Variants in PCDH9 observed in about 807,000 individuals in gnomAD.
PCDH9 encodes protocadherin 9.
Under a neutral mutation model 70.6 loss-of-function variants are expected in PCDH9, and 24 were observed. The ratio of observed to expected loss-of-function variants is 0.34; its 90% confidence interval spans 0.25 to 0.48. The LOEUF (loss-of-function observed/expected upper bound fraction) is 0.48. Among genes scored for constraint, PCDH9 ranks in the 20% least tolerant of loss-of-function variants. The pLI is 0.99. For synonymous variants in PCDH9, 562 were observed against 558.5 expected (o/e 1.01, Z -0.09); for missense variants, 1,281 against 1,503.6 (o/e 0.85, Z 2.45).
At chr13:67,086,057 T>G (rs1354540450) in intron 2 of PCDH9, among the ~76,000 whole-genome samples, 2 of 152,172 alleles carry the variant, frequency 1.3e-5, no homozygotes, top group Admixed American at 6.5e-5. Flanking sequence ...TGAGGCAAAT[T>G]CTATACAAGC....
At chr13:66,668,735 T>C (rs973100951) in intron 3 of PCDH9, among the ~76,000 whole-genome samples, 5 of 152,176 alleles carry the variant, frequency 3.3e-5, no homozygotes, top group Admixed American at 2.0e-4. Flanking sequence ...AATCATTCCT[T>C]CTCTGAAGAA....
rs541554918 is a variant in PCDH9, at chr13:66,609,740, A to C, written c.3340+21470T>G. Among the ~76,000 whole-genome samples the C allele has an allele frequency of 7.2e-5, 11 of 152,152 alleles. No homozygotes were observed. In the South Asian group the frequency reaches 8.3e-4, roughly 11 times the overall value. On this transcript the variant is annotated intron_variant, in intron 4 of 4. Coordinates refer to ENST00000377865, the MANE Select transcript of PCDH9 (RefSeq NM_203487.3). ...ATTAAAGGTATTTAATTTTGAGAAC[A>C]AAAAAGTAAATCAAATATCTGAACA...
chr13:66,904,896 T>G (rs1313026175), intron 2 of PCDH9, among the ~76,000 whole-genome samples: 1 of 152,126 alleles, frequency 6.6e-6, no homozygotes, highest in East Asian at 1.9e-4. Context: ...TGACTTTAAA[T>G]CCATATATCC....
Position 66,442,104 on chromosome 13 carries a change from T to C in PCDH9, c.3341-137076A>G, listed in dbSNP as rs979562692. ...CTACTTAAAGGGATGGGGAGGATTC[T>C]ACCTCTTTCTACAAGAGTTCTTGTC... On this transcript the variant is annotated intron_variant, in intron 4 of 4. Transcript: ENST00000377865. 2.0e-5 allele frequency among the ~76,000 whole-genome samples: 3 copies of C among 152,326 alleles called. No individual in the cohort carries two copies. The South Asian group carries it at 6.2e-4, about 32-fold the overall frequency.
intron 2 of PCDH9, chr13:67,212,947 C>A (rs2089498259): frequency 6.6e-6 from 1 of 152,130 alleles, no homozygotes; most frequent in Non-Finnish European, 1.5e-5. Flanking sequence ...CGCGGTGGCT[C>A]ACCCCTGTAA....
At chr13:66,906,325 A>G (rs1368779875) in intron 2 of PCDH9, among the ~76,000 whole-genome samples, 1 of 152,222 alleles carries the variant, frequency 6.6e-6, no homozygotes, top group Non-Finnish European at 1.5e-5. Flanking sequence ...TAATTTGATA[A>G]TAGTTCAAAC....
intron 3 of PCDH9, among the ~76,000 whole-genome samples, chr13:66,891,951 C>T (rs1004828879): frequency 1.1e-4 from 17 of 151,842 alleles, no homozygotes; most frequent in Non-Finnish European, 1.5e-5. Context: ...AGAAAACAGA[C>T]TCTAAAACAG....
intron 4 of PCDH9, among the ~76,000 whole-genome samples, chr13:66,476,573 G>A (rs1292325464): frequency 6.6e-6 from 1 of 151,930 alleles, no homozygotes; most frequent in Admixed American, 6.6e-5. Flanking sequence ...TCTCAATAGT[G>A]GAGATGAGTT....
chr13:66,909,897 G>A (rs1003969059), intron 2 of PCDH9, among the ~76,000 whole-genome samples: 3 of 152,086 alleles, frequency 2.0e-5, no homozygotes, highest in Non-Finnish European at 4.4e-5. Context: ...CTACCCAGTG[G>A]ATTTTGCAAA....
chr13:66,795,457 TTTAA>T (rs1431508567), intron 3 of PCDH9, among the ~76,000 whole-genome samples: 3 of 152,152 alleles, frequency 2.0e-5, no homozygotes, highest in African/African-American at 7.2e-5. Context: ...TATAAATAGC[TTTAA>T]TTAATTAATT....
At chr13:66,466,671 TA>T (rs1958518863) in intron 4 of PCDH9, among the ~76,000 whole-genome samples, 1 of 152,098 alleles carries the variant, frequency 6.6e-6, no homozygotes, top group Admixed American at 6.6e-5. Context: ...TGCTACTTTC[TA>T]AAAATATATC....
intron 2 of PCDH9, among the ~76,000 whole-genome samples, chr13:66,951,534 T>C (rs569280304): frequency 1.4e-5 from 2 of 139,246 alleles, no homozygotes; most frequent in South Asian, 4.5e-4. Flanking sequence ...CCTATTCTCA[T>C]AGGCTGAATG....
chr13:66,499,403 T>G (rs1959165490), intron 4 of PCDH9, among the ~76,000 whole-genome samples: 2 of 152,140 alleles, frequency 1.3e-5, no homozygotes, highest in Non-Finnish European at 2.9e-5. Context: ...TTTAAAAACA[T>G]GTCTAAAACA....
intron 4 of PCDH9, among the ~76,000 whole-genome samples, chr13:66,397,556 T>C (rs1345351551): frequency 6.6e-6 from 1 of 151,590 alleles, no homozygotes; most frequent in Non-Finnish European, 1.5e-5. Context: ...GATATATATG[T>C]GTATATATGT....
chr13:66,335,241 C>T (rs114401189), intron 4 of PCDH9, among the ~76,000 whole-genome samples: 1,936 of 152,202 alleles, frequency 0.013, 51 homozygotes, highest in African/African-American at 0.044. Flanking sequence ...CCTCTACTTA[C>T]GCTGAAGTAC....
At chr13:67,039,941 T>TAG (rs954662449) in intron 2 of PCDH9, among the ~76,000 whole-genome samples, 92 of 152,166 alleles carry the variant, frequency 6.0e-4, no homozygotes, top group African/African-American at 2.2e-3. Flanking sequence ...AATTGAAGTG[T>TAG]AGCTCACCTA....
intron 2 of PCDH9, among the ~76,000 whole-genome samples, chr13:66,980,255 C>T (rs141530729): frequency 0.011 from 1,626 of 152,132 alleles, 14 homozygotes; most frequent in Middle Eastern, 0.017. Context: ...CTCTATCTCC[C>T]ACACCACCCC....
At chr13:66,454,714 A>G (rs2138436570) in intron 4 of PCDH9, among the ~76,000 whole-genome samples, 1 of 152,330 alleles carries the variant, frequency 6.6e-6, no homozygotes, top group East Asian at 1.9e-4. Flanking sequence ...TAATCTTTGC[A>G]TATCATTTTC....
At chr13:66,692,604 T>C (rs1169135281) in intron 3 of PCDH9, among the ~76,000 whole-genome samples, 2 of 152,114 alleles carry the variant, frequency 1.3e-5, no homozygotes, top group Non-Finnish European at 1.5e-5. Context: ...ATCCACTTAA[T>C]TGAATTCACT....
Sources: gnomAD v4.1 joint callset for allele counts (sites outside exome capture counted in the v4.1 genomes callset) on GRCh38, gnomAD v4.1.1 for gene constraint, MANE v1.5 for transcripts, NCBI Gene and HGNC (gene_info 2026-07-23, HGNC 2026-07-21) for gene names.